ZZZ3: variants seen among roughly 807,000 people sequenced by gnomAD.
ZZZ3 encodes the protein ZZ-type zinc finger-containing protein 3.
ZZZ3 carries 22 observed loss-of-function variants against 95.2 expected under a neutral mutation model. The observed-to-expected ratio is 0.23, with a 90% CI of 0.17 to 0.33. ZZZ3 has a LOEUF of 0.33. Ranked by LOEUF, ZZZ3 falls within the 10% of genes least tolerant of loss-of-function variation. ZZZ3 has a pLI of 1.00. For missense variants in ZZZ3, 885 were observed against 1,066.5 expected, an observed-to-expected ratio of 0.83 and a Z score of 2.37; for synonymous variants, 335 against 358.9, an observed-to-expected ratio of 0.93 and a Z score of 0.75.
chr1:77,667,763 CTTTTTTTT>C (rs34939314), intron 1 of ZZZ3, among the ~76,000 whole-genome samples: 5 of 115,094 alleles, frequency 4.3e-5, no homozygotes, highest in Middle Eastern at 4.6e-3. Flanking sequence ...AATGGGTATT[CTTTTTTTT>C]TTTTTTTTTT....
At chr1:77,647,154 C>T (rs115407197) in intron 1 of ZZZ3, among the ~76,000 whole-genome samples, 4,539 of 152,234 alleles carry the variant, frequency 0.03, 83 homozygotes, top group Non-Finnish European at 0.044. Flanking sequence ...AAGCTACTGA[C>T]ATATCAGTGA....
chr1:77,628,782 A>C (rs1348058856), intron 5 of ZZZ3, among the ~76,000 whole-genome samples: 1 of 152,188 alleles, frequency 6.6e-6, no homozygotes, highest in Non-Finnish European at 1.5e-5. Flanking sequence ...TTCTATTAAC[A>C]ACTTACTTTT....
intron 1 of ZZZ3, among the ~76,000 whole-genome samples, chr1:77,662,302 G>A (rs370564453): frequency 4.6e-5 from 7 of 151,680 alleles, no homozygotes; most frequent in Admixed American, 2.0e-4. Flanking sequence ...ATGAGCCACC[G>A]TACCCAGCCT....
At chr1:77,679,491 C>A (rs1453929770) in intron 1 of ZZZ3, among the ~76,000 whole-genome samples, 1 of 151,772 alleles carries the variant, frequency 6.6e-6, no homozygotes, top group Non-Finnish European at 1.5e-5. Context: ...TTGGTAGAAA[C>A]GTGGTCTGAC....
intron 1 of ZZZ3, among the ~76,000 whole-genome samples, chr1:77,649,311 G>A (rs1221020587): frequency 6.6e-6 from 1 of 151,456 alleles, no homozygotes; most frequent in Admixed American, 6.6e-5. Context: ...ACTTCTCGGT[G>A]GAAGCACATG....
intron 11 of ZZZ3, among the ~76,000 whole-genome samples, chr1:77,577,596 C>T (rs1318545360): frequency 6.6e-6 from 1 of 151,984 alleles, no homozygotes; most frequent in Non-Finnish European, 1.5e-5. Flanking sequence ...GAAATAGCTT[C>T]AGTATGGAAG....
intron 1 of ZZZ3, among the ~76,000 whole-genome samples, chr1:77,656,744 G>A (rs1440969496): frequency 6.6e-6 from 1 of 152,128 alleles, no homozygotes; most frequent in African/African-American, 2.4e-5. Flanking sequence ...AGAATCTACA[G>A]GACAGGTAAA....
intron 1 of ZZZ3, among the ~76,000 whole-genome samples, chr1:77,654,083 G>A (rs1168178843): frequency 1.3e-5 from 2 of 151,486 alleles, no homozygotes; most frequent in Non-Finnish European, 2.9e-5. Flanking sequence ...AGCTACTTGG[G>A]AGGCTGAGGC....
At chr1:77,599,450 C>G (rs1012679666) in intron 5 of ZZZ3, among the ~76,000 whole-genome samples, 1 of 151,824 alleles carries the variant, frequency 6.6e-6, no homozygotes, top group South Asian at 2.1e-4. Context: ...ATGACATAAA[C>G]AAAATTCAGA....
intron 1 of ZZZ3, among the ~76,000 whole-genome samples, chr1:77,679,871 A>C (rs1672590497): frequency 6.6e-6 from 1 of 152,192 alleles, no homozygotes; most frequent in Non-Finnish European, 1.5e-5. Flanking sequence ...CAAGTACCTC[A>C]AATAATTTCG....
intron 5 of ZZZ3, among the ~76,000 whole-genome samples, chr1:77,601,663 C>G (rs765896008): frequency 1.3e-5 from 2 of 152,154 alleles, no homozygotes; most frequent in Non-Finnish European, 2.9e-5. Context: ...AGAAAGAGAT[C>G]CCTTCATTTC....
At chr1:77,625,727 C>T (rs938220483) in intron 5 of ZZZ3, among the ~76,000 whole-genome samples, 1 of 152,036 alleles carries the variant, frequency 6.6e-6, no homozygotes, top group African/African-American at 2.4e-5. Context: ...TGGTGGCTCA[C>T]ACCTGTAATC....
intron 1 of ZZZ3, among the ~76,000 whole-genome samples, chr1:77,649,164 C>T (rs1027890437): frequency 1.3e-5 from 2 of 151,996 alleles, no homozygotes; most frequent in African/African-American, 4.8e-5. Flanking sequence ...TAAACCCAAG[C>T]ACAAGAAACA....
intron 12 of ZZZ3, among the ~76,000 whole-genome samples, 175 bp from the exon 13 acceptor site, chr1:77,568,641 CTTTTT>C (rs11355685): frequency 7.9e-6 from 1 of 125,862 alleles, no homozygotes; most frequent in Non-Finnish European, 1.7e-5. Flanking sequence ...TGCTTTTGGA[CTTTTT>C]TTTTTTTTTT....
chr1:77,607,862 G>A (rs933400658), intron 5 of ZZZ3, among the ~76,000 whole-genome samples: 13 of 150,176 alleles, frequency 8.7e-5, no homozygotes, highest in Non-Finnish European at 1.8e-4. Flanking sequence ...AGAGGTTGCA[G>A]TGAGTTGAGA....
rs138802564 is a variant in ZZZ3, at chr1:77,576,114, C to T, written c.2285G>A (p.Arg762Gln). The change falls in exon 12 of 15, where the codon CGA (arginine) becomes CAA (glutamine). Residue 762 changes from arginine to glutamine, a missense_variant. Arg to Gln is a conservative substitution (Grantham distance 43). Around this residue, in one of 5 missense-constraint regions of ZZZ3, gnomAD observed 221 missense variants for 247.8 expected, o/e 0.89. Transcript: ENST00000370801. ...GTTCATGTGGCTATGAAAACAAGAT[C>T]GGTCATCATCTTCATCCATATACAC... ...PPVYMDEDDD[R>Q]SCFHSHMNTA... The T allele has an allele frequency of 7.3e-5, 118 of 1,612,394 alleles. No individual in the cohort carries two copies. The African/African-American group carries it at 1.3e-3, about 18-fold the overall frequency.
intron 5 of ZZZ3, among the ~76,000 whole-genome samples, chr1:77,627,516 A>C (rs1255584827): frequency 6.6e-6 from 1 of 152,220 alleles, no homozygotes; most frequent in African/African-American, 2.4e-5. Flanking sequence ...GCAGCTTCCA[A>C]AATTGATGAA....
chr1:77,602,089 C>T (rs1443925704), intron 5 of ZZZ3, among the ~76,000 whole-genome samples: 1 of 152,138 alleles, frequency 6.6e-6, no homozygotes, highest in Admixed American at 6.5e-5. Context: ...GTACAGGGCA[C>T]CTGAGAGGCT....
intron 1 of ZZZ3, among the ~76,000 whole-genome samples, chr1:77,663,098 C>T (rs557011464): frequency 2.0e-5 from 3 of 150,314 alleles, no homozygotes; most frequent in Admixed American, 6.6e-5. Context: ...CAGTGAGACC[C>T]GGTCTCAAAA....
Sources: gnomAD v4.1 joint callset for allele counts (sites outside exome capture counted in the v4.1 genomes callset) on GRCh38, gnomAD v4.1.1 for gene constraint, gnomAD v4.1.1 regional missense constraint, MANE v1.5 for transcripts, NCBI Gene and HGNC (gene_info 2026-07-23, HGNC 2026-07-21) for gene names.